Variants in SRC observed in about 807,000 individuals in gnomAD.
The protein encoded by SRC is proto-oncogene tyrosine-protein kinase Src.
In SRC, 13 loss-of-function variants were observed where a neutral mutation model predicts 62.9. The ratio of observed to expected loss-of-function variants is 0.21; its 90% confidence interval spans 0.13 to 0.33. SRC has a LOEUF of 0.33. SRC is among the 10% of genes least tolerant of loss of function. The probability of loss-of-function intolerance (pLI) is 1.00; values close to 1 mark genes in which losing one functional copy is unlikely to be tolerated. For missense variants in SRC, 457 were observed against 737.3 expected (o/e 0.62, Z 4.40); for synonymous variants, 302 against 317.5 (o/e 0.95, Z 0.52).
In SRC at chr20:37,397,476, C is replaced by T. The variant is rs1446535647; in HGVS notation, c.704-223C>T. 6.6e-6 allele frequency among the ~76,000 whole-genome samples: 1 copy of T among 152,220 alleles called. No homozygotes were observed. The highest frequency in any genetic ancestry group is 1.5e-5 in the Non-Finnish European group (1 of 68,032). ...GGTTCCTGGCACCCCCTACTGTCTG[C>T]TGAATGACTGACTGAATGACTGACT... On this transcript the variant is annotated intron_variant, in intron 8 of 13. Coordinates refer to ENST00000373578, the MANE Select transcript of SRC (RefSeq NM_198291.3). This position sits in a 1 kb window ranked among gnomAD's most constrained non-coding sequence, Gnocchi z 4.1.
At position 37,361,544 on chromosome 20, in the gene SRC, G is replaced by A. The variant is rs76321516; in HGVS notation, c.-246-3660G>A. ...AGGGAGATACTGCATGGGTGTGGGC[G>A]GGGAGGAGGGGGCACTGTGTGTTCC... On this transcript the variant is annotated intron_variant, in intron 1 of 13. Transcript: ENST00000373578. 2.1e-3 allele frequency among the ~76,000 whole-genome samples: 315 copies of A among 152,366 alleles called. 1 individual carries two copies. Among genetic ancestry groups the A allele is most frequent in the African/African-American group, 6.1e-3 (252 of 41,590 alleles).
intron 1 of SRC, among the ~76,000 whole-genome samples, chr20:37,361,279 C>T (rs901213721): frequency 3.9e-5 from 6 of 152,076 alleles, no homozygotes; most frequent in South Asian, 2.1e-4. Flanking sequence ...GAGTGTCGAT[C>T]GTTTTTATCA....
chr20:37,404,406 C>T lies in SRC; in HGVS notation c.*1027C>T, dbSNP rs74327149. On this transcript the variant is annotated 3_prime_UTR_variant, in exon 14 of 14. Transcript: ENST00000373578. ...CGGCTATGAAAGGGAGCGAGCCCCTCGGCTCTGGAGGCAATCAAGCAGACA... is the reference window on the plus strand; with the variant it reads ...CGGCTATGAAAGGGAGCGAGCCCCTTGGCTCTGGAGGCAATCAAGCAGACA... 2.4e-3 allele frequency: 563 copies of T among 233,654 alleles called. 3 individuals are homozygous for T. Among genetic ancestry groups the T allele is most frequent in the African/African-American group, 1.0e-2 (454 of 45,440 alleles). 14.5% of individuals were successfully genotyped at this position (233,654 alleles called of 1,614,324 possible). A position where few individuals can be genotyped will look rare whatever the true frequency, so the allele number is the denominator to read the frequency against.
chr20:37,368,529 T>G lies in SRC; in HGVS notation c.-173+3252T>G, dbSNP rs1568625200. Reference sequence around the variant, plus strand: ...TATGCCTATATTTTCTTTTTTTTTTTTTTTTTTTTTTTTTGTTTTTTTTTT... The same window carrying G: ...TATGCCTATATTTTCTTTTTTTTTTGTTTTTTTTTTTTTTGTTTTTTTTTT... On this transcript the variant is annotated intron_variant, in intron 2 of 13. Transcript: ENST00000373578. 2.1e-3 allele frequency among the ~76,000 whole-genome samples: 256 copies of G among 122,948 alleles called. 1 individual carries two copies. Among genetic ancestry groups the G allele is most frequent in the South Asian group, 0.018 (70 of 3,832 alleles). 80.7% of individuals were successfully genotyped at this position (122,948 alleles called of 152,430 possible).
chr20:37,360,210 C>T (rs1479554197), intron 1 of SRC, among the ~76,000 whole-genome samples: 2 of 132,476 alleles, frequency 1.5e-5, no homozygotes, highest in African/African-American at 6.9e-5. Context: ...TTCTCTTTCT[C>T]TCTCTCTCTT....
chr20:37,367,735 T>C (rs2070086296), intron 2 of SRC, among the ~76,000 whole-genome samples: 4 of 150,930 alleles, frequency 2.7e-5, no homozygotes, highest in Admixed American at 1.3e-4. Context: ...TAACCTCAAA[T>C]TCCTGGGCTC....
At chr20:37,380,961 G>A (rs1184073390) in intron 2 of SRC, among the ~76,000 whole-genome samples, 1 of 151,926 alleles carries the variant, frequency 6.6e-6, no homozygotes, top group Non-Finnish European at 1.5e-5. Context: ...GCCATCCTGA[G>A]CATGTTCCGT....
Position 37,403,158 on chromosome 20 carries a change from G to C in SRC, c.1403-13G>C, listed in dbSNP as rs77227278. 881 of 1,526,888 alleles carry C rather than the reference G, an allele frequency of 5.8e-4. 12 individuals carry two copies. In the East Asian group the frequency reaches 0.021, roughly 36 times the overall value. The allele number at this position is 1,526,888 out of a possible 1,614,324, so 94.6% of individuals were successfully genotyped here. ...ACCGGAGCCGGGCTCCCCATGCCTC[G>C]CTCTGCCCACAGGGATGGTGAACCG... On this transcript the variant is annotated splice_polypyrimidine_tract_variant and intron_variant, in intron 13 of 13. Coordinates refer to ENST00000373578, the MANE Select transcript of SRC (RefSeq NM_198291.3). The surrounding 1 kb of genome is among the most constrained non-coding windows in gnomAD (Gnocchi z 7.1).
At chr20:37,374,622 TG>T (rs1266608021) in intron 2 of SRC, among the ~76,000 whole-genome samples, 11 of 146,444 alleles carry the variant, frequency 7.5e-5, no homozygotes, top group African/African-American at 2.8e-4. Context: ...TTGCCCAGGC[TG>T]GAGTACAGTA....
At chr20:37,348,339 AG>A (rs1450627641) in intron 1 of SRC, among the ~76,000 whole-genome samples, 1 of 152,118 alleles carries the variant, frequency 6.6e-6, no homozygotes, top group African/African-American at 2.4e-5. Context: ...CCCAGGAACC[AG>A]AGAGGAGATG....
Position 37,400,275 on chromosome 20 carries a change from C to G in SRC, c.1020C>G (p.Val340=). 6.2e-7 allele frequency: 1 copy of G among 1,613,106 alleles called. No individual in the cohort carries two copies. The highest frequency in any genetic ancestry group is 8.5e-7 in the Non-Finnish European group (1 of 1,179,448). ...AVVSEEPIYI[V]TEYMSKGSLL... Reference sequence around the variant, plus strand: ...TTTCAGAGGAGCCCATTTACATCGTCACGGAGTACATGAGCAAGGGTGAGT... The same window carrying G: ...TTTCAGAGGAGCCCATTTACATCGTGACGGAGTACATGAGCAAGGGTGAGT... The change falls in exon 10 of 14, where the codon GTC becomes GTG. Residue 340 remains valine (V), a synonymous_variant. Coordinates refer to ENST00000373578, the MANE Select transcript of SRC (RefSeq NM_198291.3).
rs1483959872 is a variant in SRC at position 37,396,320 on chromosome 20, G to A, written c.703+9G>A. ...GGTGGCCTACTACTCCAGTGAGCCA[G>A]CCTCGGAGGGCGGAGGGCGGGCGGG... On this transcript the variant is annotated intron_variant, in intron 8 of 13. Coordinates refer to ENST00000373578, the MANE Select transcript of SRC (RefSeq NM_198291.3). The surrounding 1 kb of genome is among the most constrained non-coding windows in gnomAD (Gnocchi z 6.1). The A allele has an allele frequency of 1.9e-6, 3 of 1,612,786 alleles. No individual in the cohort carries two copies.
intron 1 of SRC, among the ~76,000 whole-genome samples, chr20:37,361,386 C>T (rs1225024202): frequency 2.0e-5 from 3 of 152,216 alleles, no homozygotes; most frequent in Non-Finnish European, 2.9e-5. Context: ...GGCAGGCTGA[C>T]CTTCCTGTGA....
chr20:37,353,737 C>A (rs891228463), intron 1 of SRC, among the ~76,000 whole-genome samples: 2 of 152,186 alleles, frequency 1.3e-5, no homozygotes, highest in African/African-American at 4.8e-5. Flanking sequence ...CTGGGCATGC[C>A]AGGCCTGCCC....
chr20:37,361,469 C>T (rs377672461), intron 1 of SRC, among the ~76,000 whole-genome samples: 1 of 152,152 alleles, frequency 6.6e-6, no homozygotes, highest in Admixed American at 6.5e-5. Flanking sequence ...CAGGCTGGGC[C>T]GTGTGGAGGG....
intron 2 of SRC, among the ~76,000 whole-genome samples, chr20:37,369,382 C>T (rs12479921): frequency 3.3e-5 from 5 of 152,034 alleles, no homozygotes; most frequent in Admixed American, 2.6e-4. Flanking sequence ...AATCTTTTTC[C>T]TAAGTATTCT....
At chr20:37,346,411 G>C (rs2069721668) in intron 1 of SRC, among the ~76,000 whole-genome samples, 156 bp downstream of exon 1, 1 of 150,782 alleles carries the variant, frequency 6.6e-6, no homozygotes, top group South Asian at 2.1e-4. Context: ...CGATACCCAA[G>C]CGCCGGGCGG....
At chr20:37,392,569 G>T (rs1184618314) in intron 5 of SRC, among the ~76,000 whole-genome samples, 1 of 152,164 alleles carries the variant, frequency 6.6e-6, no homozygotes, top group Non-Finnish European at 1.5e-5. Flanking sequence ...ATTGAGAAGA[G>T]CCCAGCAAGC....
chr20:37,348,951 G>A (rs1048568556), intron 1 of SRC, among the ~76,000 whole-genome samples: 14 of 152,354 alleles, frequency 9.2e-5, no homozygotes, highest in Middle Eastern at 6.8e-3. Context: ...ATCAGTGGGG[G>A]AAGCTGTGAG....
Sources: gnomAD v4.1 joint callset for allele counts (sites outside exome capture counted in the v4.1 genomes callset) on GRCh38, gnomAD v4.1.1 for gene constraint, Gnocchi (gnomAD v3.1) non-coding constraint, MANE v1.5 for transcripts, NCBI Gene and HGNC (gene_info 2026-07-23, HGNC 2026-07-21) for gene names.